The following AOX1 variants were observed in gnomAD, a reference collection of about 807,000 sequenced individuals.
AOX1 encodes aldehyde oxidase 1.
In AOX1, 153 loss-of-function variants were observed where a neutral mutation model predicts 169.5. That is an observed-to-expected ratio of 0.90 (90% CI 0.79 to 1.03). AOX1 has a LOEUF of 1.03. AOX1 is among the 50% of genes least tolerant of loss of function. The probability of loss-of-function intolerance (pLI) is 0.00; values close to 1 mark genes in which losing one functional copy is unlikely to be tolerated. For missense variants in AOX1, 1,656 were observed against 1,663.9 expected, an observed-to-expected ratio of 1.00 and a Z score of 0.08; for synonymous variants, 562 against 581.9, an observed-to-expected ratio of 0.97 and a Z score of 0.49.
chr2:200,610,319 G>A (rs1363273921), intron 12 of AOX1, among the ~76,000 whole-genome samples: 13 of 152,114 alleles, frequency 8.5e-5, no homozygotes, highest in East Asian at 3.9e-4. Flanking sequence ...TGATCCACCC[G>A]CCTCTGCCTC....
At chr2:200,599,565 T>G in intron 4 of AOX1, 55 bp from the exon 5 acceptor site, 1 of 1,431,610 alleles carries the variant, frequency 7.0e-7, no homozygotes, top group Non-Finnish European at 9.6e-7. Context: ...CTCTAATTCA[T>G]TAGGCCTGGG....
In AOX1 at chr2:200,623,882, G is replaced by T. The variant is rs772578048; in HGVS notation, c.2023G>T (p.Val675Phe). ...GTAGGTGTTCTGTGTGGGTCAGCTT[G>T]TCTGTGCTGTGCTTGCCGATTCTGA... ...TDKVFCVGQL[V>F]CAVLADSEVQ... Residue 675 changes from valine (V) to phenylalanine (F), a missense_variant, in exon 19 of 35, where the codon GTC (valine) becomes TTC (phenylalanine). Physicochemically the swap from Val to Phe is conservative, Grantham distance 50. Coordinates refer to ENST00000374700, the MANE Select transcript of AOX1 (RefSeq NM_001159.4). 3 of 1,614,054 alleles carry T rather than the reference G, an allele frequency of 1.9e-6. No individual in the cohort carries two copies. The South Asian group carries it at 3.3e-5, about 18-fold the overall frequency.
chr2:200,649,652 T>C (rs2035539058), intron 25 of AOX1, among the ~76,000 whole-genome samples: 2 of 152,206 alleles, frequency 1.3e-5, no homozygotes, highest in Admixed American at 1.3e-4. Context: ...TCTTTCAGTC[T>C]CAGCCCCAAC....
chr2:200,650,174 A>G (rs2035552286), intron 25 of AOX1, among the ~76,000 whole-genome samples: 1 of 152,198 alleles, frequency 6.6e-6, no homozygotes, highest in Non-Finnish European at 1.5e-5. Flanking sequence ...ATTTGGTAGC[A>G]CTAAGGAGGA....
In AOX1 at chr2:200,637,795, G is replaced by A. The variant is rs566809255; in HGVS notation, c.2481-420G>A. Among the ~76,000 whole-genome samples the A allele has an allele frequency of 4.6e-5, 7 of 152,218 alleles. No individual in the cohort carries two copies. The South Asian group carries it at 1.0e-3, about 23-fold the overall frequency. ...TTAATTTGTTTGCTGAGTAATATGGGTCAGTTCCTCCATCCCAGGAAGCAA... is the reference window on the plus strand; with the variant it reads ...TTAATTTGTTTGCTGAGTAATATGGATCAGTTCCTCCATCCCAGGAAGCAA... On this transcript the variant is annotated intron_variant, in intron 22 of 34. Transcript: ENST00000374700.
chr2:200,612,861 T>A, intron 14 of AOX1, 68 bp downstream of exon 14: 3 of 1,268,168 alleles, frequency 2.4e-6, no homozygotes, highest in Non-Finnish European at 3.3e-6. Context: ...AGGAGCCCTT[T>A]TTGTGGTGAG....
chr2:200,629,805 T>A (rs1032670501), intron 20 of AOX1, among the ~76,000 whole-genome samples: 4 of 152,206 alleles, frequency 2.6e-5, no homozygotes, highest in Admixed American at 2.6e-4. Context: ...CATTGTTGTA[T>A]TTTTCCTTGA....
intron 18 of AOX1, 87 bp from the exon 19 acceptor site, chr2:200,623,774 C>T (rs552044879): frequency 1.5e-5 from 24 of 1,578,510 alleles, no homozygotes; most frequent in Non-Finnish European, 2.0e-5. Context: ...CTACTGTAAT[C>T]GAGTACTAGG....
rs1262288463 is a variant in AOX1 at position 200,599,822 on chromosome 2, T to C, written c.436+76T>C. 10 of 1,214,304 alleles carry C rather than the reference T, an allele frequency of 8.2e-6. 1 individual carries two copies. Among genetic ancestry groups the C allele is most frequent in the African/African-American group, 4.7e-5 (3 of 63,432 alleles). The allele number at this position is 1,214,304 out of a possible 1,614,324, so 75.2% of individuals were successfully genotyped here. A position where few individuals can be genotyped will look rare whatever the true frequency, so the allele number is the denominator to read the frequency against. On this transcript the variant is annotated intron_variant, in intron 5 of 34. Coordinates refer to ENST00000374700, the MANE Select transcript of AOX1 (RefSeq NM_001159.4). Reference sequence around the variant, plus strand: ...TTTTTTGAGACGGAATCTCACTCTGTTGCCCGGGCTGGAGGGCGGCGGCGC... The same window carrying C: ...TTTTTTGAGACGGAATCTCACTCTGCTGCCCGGGCTGGAGGGCGGCGGCGC...
At chr2:200,610,286 G>C (rs1231765320) in intron 12 of AOX1, among the ~76,000 whole-genome samples, 2 of 152,104 alleles carry the variant, frequency 1.3e-5, no homozygotes, top group Non-Finnish European at 2.9e-5. Context: ...TGGCCAGGCT[G>C]GTCTCGAACT....
chr2:200,637,489 A>T (rs1247462298), intron 22 of AOX1, among the ~76,000 whole-genome samples: 2 of 152,158 alleles, frequency 1.3e-5, no homozygotes, highest in Non-Finnish European at 2.9e-5. Flanking sequence ...GTTTGTGTGT[A>T]TATATGTACA....
intron 33 of AOX1, 129 bp from the exon 34 acceptor site, chr2:200,669,446 G>A (rs1553581191): frequency 2.0e-6 from 2 of 1,017,778 alleles, no homozygotes; most frequent in Non-Finnish European, 2.9e-6. Context: ...GCCAGACTCT[G>A]TCTCAAAAAA....
At position 200,609,171 on chromosome 2, in the gene AOX1, C is replaced by T. The variant is rs1559236225; in HGVS notation, c.1059+36C>T. On this transcript the variant is annotated intron_variant, in intron 11 of 34. Coordinates refer to ENST00000374700, the MANE Select transcript of AOX1 (RefSeq NM_001159.4). ...GATGACAGTAAACTCTGGTATGCATCCCTTGGGTGACTCTCCCTGATGAAT... is the reference window on the plus strand; with the variant it reads ...GATGACAGTAAACTCTGGTATGCATTCCTTGGGTGACTCTCCCTGATGAAT... 3 of 1,608,826 alleles carry T rather than the reference C, an allele frequency of 1.9e-6. No individual in the cohort carries two copies. In the Admixed American group the frequency reaches 5.1e-5, roughly 27 times the overall value.
At chr2:200,590,443 G>A in intron 1 of AOX1, among the ~76,000 whole-genome samples, 1 of 152,066 alleles carries the variant, frequency 6.6e-6, no homozygotes, top group East Asian at 1.9e-4. Context: ...CCCATCCCCT[G>A]TATGCCTTCT....
intron 34 of AOX1, among the ~76,000 whole-genome samples, chr2:200,670,199 A>AG (rs1230940210): frequency 2.0e-5 from 3 of 152,210 alleles, no homozygotes; most frequent in African/African-American, 7.2e-5. Flanking sequence ...GCCCATGCCG[A>AG]GCAGACATCT....
chr2:200,646,979 G>C (rs115578586), intron 25 of AOX1, among the ~76,000 whole-genome samples: 1 of 152,114 alleles, frequency 6.6e-6, no homozygotes, highest in African/African-American at 2.4e-5. Flanking sequence ...TGAGTCTTCT[G>C]AAGGGAACAG....
chr2:200,612,876 G>A, intron 14 of AOX1, 83 bp downstream of exon 14: 1 of 1,125,964 alleles, frequency 8.9e-7, no homozygotes, highest in South Asian at 1.6e-5. Context: ...GGTGAGATGT[G>A]ATTACAAGAA....
At chr2:200,602,462 AGGTTT>A in intron 6 of AOX1, 117 bp downstream of exon 6, 1 of 854,732 alleles carries the variant, frequency 1.2e-6, no homozygotes, top group Non-Finnish European at 1.9e-6. Flanking sequence ...TCTTATCTCC[AGGTTT>A]CTAGCTGCTG....
chr2:200,627,243 A>G, intron 19 of AOX1, 110 bp from the exon 20 acceptor site: 6 of 709,166 alleles, frequency 8.5e-6, no homozygotes, highest in South Asian at 3.6e-5. Context: ...CGGAACCACA[A>G]GGTGAAGGGA....
Sources: allele counts gnomAD v4.1 joint callset (sites outside exome capture counted in the v4.1 genomes callset), GRCh38; gene constraint gnomAD v4.1.1; transcripts MANE v1.5; gene names NCBI Gene and HGNC (gene_info 2026-07-23, HGNC 2026-07-21).